CEP70: variants seen among roughly 807,000 people sequenced by gnomAD.
CEP70 encodes the protein centrosomal protein 70, also known as centrosomal protein of 70 kDa.
In CEP70, 70 loss-of-function variants were observed where a neutral mutation model predicts 90.9. The ratio of observed to expected loss-of-function variants is 0.77; its 90% CI spans 0.64 to 0.94. The LOEUF (loss-of-function observed/expected upper bound fraction) is 0.94, where lower values mean the gene tolerates loss of function less well. Ranked by LOEUF, CEP70 falls within the 40% of genes least tolerant of loss-of-function variation. The pLI is 0.00. For synonymous variants in CEP70, 220 were observed against 228.3 expected (o/e 0.96, Z 0.33); for missense variants, 648 against 669.0 (o/e 0.97, Z 0.35).
intron 6 of CEP70, among the ~76,000 whole-genome samples, chr3:138,557,720 T>C (rs1202042388): frequency 6.6e-6 from 1 of 152,156 alleles, no homozygotes; most frequent in Non-Finnish European, 1.5e-5. Context: ...GTATACTGCT[T>C]GGTGCACCAA....
At chr3:138,509,306 A>G (rs2035301273) in intron 11 of CEP70, among the ~76,000 whole-genome samples, 2 of 152,322 alleles carry the variant, frequency 1.3e-5, no homozygotes, top group South Asian at 4.1e-4. Flanking sequence ...TAGCAGGAAC[A>G]GCTAGACGTT....
intron 6 of CEP70, among the ~76,000 whole-genome samples, chr3:138,546,527 T>A (rs1312702747): frequency 6.6e-6 from 1 of 152,046 alleles, no homozygotes; most frequent in Non-Finnish European, 1.5e-5. Flanking sequence ...GGTGGGCAGA[T>A]CCCTTGAGGT....
intron 11 of CEP70, among the ~76,000 whole-genome samples, chr3:138,513,525 T>TC (rs138990013): frequency 0.049 from 7,400 of 152,244 alleles, 584 homozygotes; most frequent in African/African-American, 0.17. Flanking sequence ...GTGAGATGAT[T>TC]CCCCCCATCT....
At chr3:138,556,229 G>T (rs970394372) in intron 6 of CEP70, among the ~76,000 whole-genome samples, 4 of 152,086 alleles carry the variant, frequency 2.6e-5, no homozygotes, top group African/African-American at 9.7e-5. Context: ...CAATGCAAAG[G>T]CATGAGAAAG....
intron 2 of CEP70, among the ~76,000 whole-genome samples, chr3:138,588,397 A>G (rs1028920941): frequency 6.6e-6 from 1 of 152,238 alleles, no homozygotes; most frequent in African/African-American, 2.4e-5. Context: ...TAACATCAAC[A>G]AGAAGTAAAC....
intron 6 of CEP70, among the ~76,000 whole-genome samples, chr3:138,538,742 T>A (rs1187850813): frequency 2.0e-5 from 3 of 152,184 alleles, no homozygotes; most frequent in African/African-American, 7.2e-5. Flanking sequence ...TCTTTTTTTT[T>A]AAGTCATCTG....
intron 2 of CEP70, among the ~76,000 whole-genome samples, chr3:138,588,218 A>G (rs934692137): frequency 1.3e-5 from 2 of 152,206 alleles, no homozygotes; most frequent in African/African-American, 2.4e-5. Context: ...CACCAAAAGC[A>G]TGATACAATT....
intron 7 of CEP70, among the ~76,000 whole-genome samples, chr3:138,536,588 A>G (rs1252787569): frequency 6.6e-6 from 1 of 152,062 alleles, no homozygotes; most frequent in African/African-American, 2.4e-5. Context: ...TATTGTTAGT[A>G]ATTCTAGTTT....
chr3:138,499,977 G>A (rs1489694447), intron 16 of CEP70, 133 bp downstream of exon 16: 1 of 679,976 alleles, frequency 1.5e-6, no homozygotes, highest in Non-Finnish European at 2.7e-6. Flanking sequence ...TCACTGCCTT[G>A]CTCAGACTGG....
intron 7 of CEP70, among the ~76,000 whole-genome samples, chr3:138,535,116 A>G (rs1214853333): frequency 3.3e-5 from 5 of 152,070 alleles, no homozygotes; most frequent in Non-Finnish European, 5.9e-5. Context: ...CACTTTCCAT[A>G]TTGTCATATT....
chr3:138,558,549 A>C (rs1194524220), intron 6 of CEP70, among the ~76,000 whole-genome samples: 2 of 152,162 alleles, frequency 1.3e-5, no homozygotes, highest in African/African-American at 4.8e-5. Context: ...CAAAGAAGGG[A>C]AGGTCCTAGG....
At chr3:138,544,091 C>T (rs1481162930) in intron 6 of CEP70, among the ~76,000 whole-genome samples, 1 of 152,126 alleles carries the variant, frequency 6.6e-6, no homozygotes, top group Non-Finnish European at 1.5e-5. Flanking sequence ...GAGTTCAAGA[C>T]CAACCTGGCC....
At chr3:138,510,296 GGT>G (rs1173988506) in intron 11 of CEP70, among the ~76,000 whole-genome samples, 2 of 151,914 alleles carry the variant, frequency 1.3e-5, no homozygotes, top group Non-Finnish European at 1.5e-5. Context: ...AGCTGGATAT[GGT>G]GGCGCATGCC....
intron 10 of CEP70, among the ~76,000 whole-genome samples, chr3:138,528,733 T>A (rs1356995965): frequency 1.7e-5 from 2 of 119,542 alleles, no homozygotes; most frequent in African/African-American, 8.3e-5. Context: ...GGCTCATACC[T>A]GTAATCCCAG....
chr3:138,522,773 A>G (rs2036802517), intron 11 of CEP70, among the ~76,000 whole-genome samples: 1 of 152,236 alleles, frequency 6.6e-6, no homozygotes, highest in South Asian at 2.1e-4. Flanking sequence ...AGATGGATTC[A>G]CAGCCAAATT....
rs57863637 is a variant in CEP70, at chr3:138,540,095, G to A, written c.466-2748C>T. Among the ~76,000 whole-genome samples, 677 of 152,164 alleles carry A rather than the reference G, an allele frequency of 4.4e-3. 2 individuals carry two copies. The highest frequency in any genetic ancestry group is 0.016 in the African/African-American group (654 of 41,512). On this transcript the variant is annotated intron_variant, in intron 6 of 17. Coordinates refer to ENST00000264982, the MANE Select transcript of CEP70 (RefSeq NM_024491.4). ...AGGTCTAACGGCCAGCATCTATAAG[G>A]AACTAAATTTAGAAGAGAAAAACAA...
chr3:138,508,456 C>T lies in CEP70; in HGVS notation c.1033G>A (p.Asp345Asn), dbSNP rs756354880. ...TTCAATACCTGAAAGTATCTCTGGT[C>T]AATTAGGGCCTGTTGCTGATTATAT... ...SKYNQQQALI[D>N]QRYFQVLCSI... is the part of the protein sequence containing the mutation. The change falls in exon 12 of 18, where the codon GAC (aspartate) becomes AAC (asparagine). Residue 345 changes from aspartate (D) to asparagine (N), a missense_variant. By Grantham distance (23) the Asp-to-Asn change is conservative (BLOSUM62 1). Coordinates refer to ENST00000264982, the MANE Select transcript of CEP70 (RefSeq NM_024491.4). 1 of 1,607,050 alleles carries T rather than the reference C, an allele frequency of 6.2e-7. No homozygotes were observed. Among genetic ancestry groups the T allele is most frequent in the Non-Finnish European group, 8.5e-7 (1 of 1,173,858 alleles).
At chr3:138,498,659 A>G (rs1320291736) in intron 16 of CEP70, among the ~76,000 whole-genome samples, 1 of 152,068 alleles carries the variant, frequency 6.6e-6, no homozygotes, top group Non-Finnish European at 1.5e-5. Context: ...TAACATGGCA[A>G]ATTTCCCATT....
At chr3:138,521,691 C>G (rs939093712) in intron 11 of CEP70, among the ~76,000 whole-genome samples, 2 of 151,572 alleles carry the variant, frequency 1.3e-5, no homozygotes, top group African/African-American at 4.8e-5. Context: ...TGCCCGGCCG[C>G]CCCGTCTCGG....
Sources: allele counts gnomAD v4.1 joint callset (sites outside exome capture counted in the v4.1 genomes callset), GRCh38; gene constraint gnomAD v4.1.1; transcripts MANE v1.5; gene names NCBI Gene and HGNC (gene_info 2026-07-23, HGNC 2026-07-21).